Variants in CCDC13 observed in about 807,000 individuals in gnomAD.
CCDC13 encodes coiled-coil domain-containing protein 13.
A neutral mutation model predicts 87.3 loss-of-function variants in CCDC13; 70 were observed. The observed-to-expected ratio is 0.80, with a 90% confidence interval of 0.66 to 0.98. CCDC13 has a LOEUF of 0.98. Ranked by LOEUF, CCDC13 falls within the 50% of genes least tolerant of loss-of-function variation. CCDC13 has a pLI of 0.00. For synonymous variants in CCDC13, 317 were observed against 360.3 expected (o/e 0.88, Z 1.36); for missense variants, 842 against 892.0 (o/e 0.94, Z 0.71).
intron 1 of CCDC13, among the ~76,000 whole-genome samples, chr3:42,772,614 C>T (rs368252742): frequency 1.7e-4 from 26 of 152,254 alleles, no homozygotes; most frequent in African/African-American, 6.3e-4. Flanking sequence ...CCCACGGATG[C>T]CTAGTTTGGC....
chr3:42,736,447 T>C (rs1699024970), intron 9 of CCDC13, among the ~76,000 whole-genome samples: 1 of 152,162 alleles, frequency 6.6e-6, no homozygotes, highest in African/African-American at 2.4e-5. Flanking sequence ...TGGAGGAAAC[T>C]GAGGCCCAGA....
chr3:42,756,102 T>C (rs1212202837), intron 3 of CCDC13, among the ~76,000 whole-genome samples: 2 of 152,254 alleles, frequency 1.3e-5, no homozygotes, highest in Non-Finnish European at 2.9e-5. Flanking sequence ...ACCAGAGCTT[T>C]GGTCCTATGA....
chr3:42,763,168 T>G (rs1699868577), intron 1 of CCDC13, among the ~76,000 whole-genome samples: 1 of 152,216 alleles, frequency 6.6e-6, no homozygotes, highest in South Asian at 2.1e-4. Context: ...GCTGGCTGTT[T>G]GCCTTTTTTG....
intron 1 of CCDC13, among the ~76,000 whole-genome samples, chr3:42,772,286 AAAAAG>A (rs1700139365): frequency 6.3e-4 from 7 of 11,094 alleles, no homozygotes; most frequent in Admixed American, 6.1e-3. Context: ...AAAAAAAAAA[AAAAAG>A]TAATAATAAA....
chr3:42,713,744 G>A (rs902386214), intron 13 of CCDC13, among the ~76,000 whole-genome samples: 1 of 152,136 alleles, frequency 6.6e-6, no homozygotes, highest in Non-Finnish European at 1.5e-5. Context: ...ACCTGTATAC[G>A]TTTTTGGATG....
chr3:42,749,822 C>T (rs72865752), intron 5 of CCDC13: 12,655 of 455,490 alleles, frequency 0.028, 578 homozygotes, highest in East Asian at 0.17. Context: ...ACTCACATCA[C>T]GGCCTCCTGA....
chr3:42,717,521 T>C (rs1245344301), intron 13 of CCDC13, among the ~76,000 whole-genome samples: 2 of 152,000 alleles, frequency 1.3e-5, no homozygotes, highest in East Asian at 1.9e-4. Context: ...TTTCTGTTTG[T>C]GGTTATGAAA....
At chr3:42,739,531 G>C in intron 9 of CCDC13, 103 bp downstream of exon 9, 1 of 1,281,176 alleles carries the variant, frequency 7.8e-7, no homozygotes, top group Non-Finnish European at 1.1e-6. Flanking sequence ...GGTTACACAG[G>C]TGGCATTGAG....
chr3:42,708,994 T>A lies in CCDC13; in HGVS notation c.2134A>T (p.Thr712Ser), dbSNP rs757283058. 1 of 1,612,132 alleles carries A rather than the reference T, an allele frequency of 6.2e-7. No individual in the cohort carries two copies. The highest frequency in any genetic ancestry group is 8.5e-7 in the Non-Finnish European group (1 of 1,179,056). ...VFLQALRQQK[T>S]GKQ Reference sequence around the variant, plus strand: ...GGGCTGTCATCCTATTGCTTGCCTGTCTTCTGCTGCCGCAGGGCCTGCAGG... The same window carrying A: ...GGGCTGTCATCCTATTGCTTGCCTGACTTCTGCTGCCGCAGGGCCTGCAGG... The change falls in exon 16 of 16, where the codon ACA (threonine) becomes TCA (serine). Residue 712 changes from threonine to serine, a missense_variant. Coordinates refer to ENST00000310232, the MANE Select transcript of CCDC13 (RefSeq NM_144719.4).
chr3:42,770,668 C>G (rs1330425619), intron 1 of CCDC13: 2 of 152,402 alleles, frequency 1.3e-5, no homozygotes, highest in African/African-American at 4.8e-5. Flanking sequence ...CTAAATCTTG[C>G]TACTGCTCAC....
chr3:42,737,392 A>C (rs1378351413), intron 9 of CCDC13, among the ~76,000 whole-genome samples: 1 of 152,182 alleles, frequency 6.6e-6, no homozygotes, highest in Non-Finnish European at 1.5e-5. Context: ...ATGCGTCTTT[A>C]TAGTAGCATG....
chr3:42,709,178 G>C, intron 15 of CCDC13, 39 bp from the exon 16 acceptor site: 1 of 1,574,096 alleles, frequency 6.4e-7, no homozygotes, highest in East Asian at 2.3e-5. Flanking sequence ...GGCTGGAGCT[G>C]CACACAGGTG....
chr3:42,750,042 C>T lies in CCDC13; in HGVS notation c.603+1894G>A, dbSNP rs147431927. The T allele has an allele frequency of 7.5e-4, 316 of 423,090 alleles. 4 individuals are homozygous for T. In the East Asian group the frequency reaches 0.015, roughly 20 times the overall value. The allele number at this position is 423,090 out of a possible 1,614,324, so 26.2% of individuals were successfully genotyped here. On this transcript the variant is annotated intron_variant, in intron 5 of 15. Transcript: ENST00000310232. ...CGTGGTGCTGATGAATTGAGACCTG[C>T]GGCCCATCACACACTCTTCTCTCAG...
chr3:42,722,358 G>A lies in CCDC13; in HGVS notation c.1718+8109C>T, dbSNP rs574788768. 5.9e-5 allele frequency among the ~76,000 whole-genome samples: 9 copies of A among 152,298 alleles called. No individual in the cohort carries two copies. In the South Asian group the frequency reaches 1.9e-3, roughly 32 times the overall value. ...AAAGGGATGGGGGGAAAATGTCAGA[G>A]GCATTTGAACAAGAGCAACTCCATC... On this transcript the variant is annotated intron_variant, in intron 13 of 15. Coordinates refer to ENST00000310232, the MANE Select transcript of CCDC13 (RefSeq NM_144719.4).
In CCDC13 at chr3:42,733,521, G is replaced by A; in HGVS notation, c.1460C>T (p.Thr487Ile). 6.2e-7 allele frequency: 1 copy of A among 1,614,110 alleles called. No individual in the cohort carries two copies. Among genetic ancestry groups the A allele is most frequent in the Non-Finnish European group, 8.5e-7 (1 of 1,180,024 alleles). The stretch of plus-strand genomic sequence containing the variant: ...ATCGCCTGCTGAGGCCGGGGACTTG[G>A]TCAGGCCTGGGTCCTCCAGGAACTG... ...YTQFLEDPGL[T>I]KSPASAGDHV... Residue 487 changes from threonine (T) to isoleucine (I), a missense_variant, in exon 11 of 16, where the codon ACC becomes ATC. Physicochemically the swap from Thr to Ile is moderately conservative, Grantham distance 89 (BLOSUM62 -1). Transcript: ENST00000310232.
rs542867984 is a variant in CCDC13 at position 42,739,897 on chromosome 3, C to G, written c.988-87G>C. On this transcript the variant is annotated intron_variant, in intron 8 of 15. Transcript: ENST00000310232. Reference sequence around the variant, plus strand: ...CCCTGGCTCCTACTCAATGGCAAGGCCCGGGGCTGGGGGTGGGGGTGCTTG... The same window carrying G: ...CCCTGGCTCCTACTCAATGGCAAGGGCCGGGGCTGGGGGTGGGGGTGCTTG... The G allele has an allele frequency of 3.8e-6, 5 of 1,317,954 alleles. No individual in the cohort carries two copies. The Admixed American group carries it at 9.6e-5, about 25-fold the overall frequency. The allele number at this position is 1,317,954 out of a possible 1,614,324, so 81.6% of individuals were successfully genotyped here.
At position 42,713,020 on chromosome 3, in the gene CCDC13, G is replaced by A. The variant is rs13320636; in HGVS notation, c.1873+142C>T. 2,497 of 919,710 alleles carry A rather than the reference G, an allele frequency of 2.7e-3. 47 individuals carry two copies. In the African/African-American group the frequency reaches 0.038, roughly 14 times the overall value. The allele number at this position is 919,710 out of a possible 1,614,324, so 57.0% of individuals were successfully genotyped here. On this transcript the variant is annotated intron_variant, in intron 14 of 15. Coordinates refer to ENST00000310232, the MANE Select transcript of CCDC13 (RefSeq NM_144719.4). ...CTGGGGAAAAGAACACCCCACAGTG[G>A]AGGCAGGCAGAGCTCCACCCTGATG...
chr3:42,713,392 T>G, intron 13 of CCDC13, 76 bp from the exon 14 acceptor site: 1 of 1,466,310 alleles, frequency 6.8e-7, no homozygotes, highest in Non-Finnish European at 9.3e-7. Context: ...CTCAGGCCCT[T>G]AGAGAGATGG....
chr3:42,717,803 A>G (rs1024708864), intron 13 of CCDC13, among the ~76,000 whole-genome samples: 1 of 152,196 alleles, frequency 6.6e-6, no homozygotes, highest in Non-Finnish European at 1.5e-5. Flanking sequence ...TCCTTTTCCA[A>G]GCTCACTCAG....
Sources: allele counts gnomAD v4.1 joint callset (sites outside exome capture counted in the v4.1 genomes callset), GRCh38; gene constraint gnomAD v4.1.1; transcripts MANE v1.5; gene names NCBI Gene and HGNC (gene_info 2026-07-23, HGNC 2026-07-21).